Variants in C4orf50 observed in about 807,000 individuals in gnomAD.
C4orf50 encodes the protein uncharacterized protein C4orf50.
C4orf50 carries 80 observed loss-of-function variants against 77.2 expected under a neutral mutation model. The observed-to-expected ratio is 1.04, with a 90% CI of 0.87 to 1.25. The LOEUF is 1.25. C4orf50 is among the 50% of genes most tolerant of loss of function. The probability of loss-of-function intolerance (pLI) is 0.00; values close to 1 mark genes in which losing one functional copy is unlikely to be tolerated. For synonymous variants in C4orf50, 532 were observed against 465.3 expected (o/e 1.14, Z -1.84); for missense variants, 1,257 against 1,152.9 (o/e 1.09, Z -1.31).
intron 32 of C4orf50, among the ~76,000 whole-genome samples, chr4:5,965,407 G>A (rs1181995808): frequency 6.6e-6 from 1 of 152,230 alleles, no homozygotes; most frequent in Non-Finnish European, 1.5e-5. Flanking sequence ...CTACCTGGCT[G>A]CAAGCTCATT....
intron 33 of C4orf50, among the ~76,000 whole-genome samples, chr4:5,964,105 T>A (rs7675245): frequency 0.67 from 101,656 of 151,970 alleles, 34,805 homozygotes; most frequent in African/African-American, 0.74. Context: ...CAAAACTGAA[T>A]ACAGAAGAGA....
chr4:5,941,312 C>T (rs1261275674), intron 7 of C4orf50, among the ~76,000 whole-genome samples: 4 of 152,040 alleles, frequency 2.6e-5, no homozygotes, highest in African/African-American at 7.2e-5. Flanking sequence ...AATTGAGACC[C>T]CAAGAGATGA....
At chr4:5,971,881 G>A (rs1429006358) in intron 31 of C4orf50, among the ~76,000 whole-genome samples, 1 of 152,188 alleles carries the variant, frequency 6.6e-6, no homozygotes, top group African/African-American at 2.4e-5. Flanking sequence ...CTGTGAGAGT[G>A]AGGAGCAGCC....
At chr4:5,973,695 C>T (rs1720067083) in exon 31 of C4orf50, 2 of 1,613,786 alleles carry the variant, frequency 1.2e-6, no homozygotes, top group African/African-American at 1.3e-5. Flanking sequence ...TGGCCGTGTA[C>T]TCAGCCAGTG....
chr4:5,991,732 A>C (rs1721307412), intron 27 of C4orf50, among the ~76,000 whole-genome samples: 1 of 152,094 alleles, frequency 6.6e-6, no homozygotes. Flanking sequence ...GAAGAGAAGG[A>C]CAGAGGGAGC....
exon 28 of C4orf50, chr4:5,989,027 T>C (rs1228091843): frequency 1.3e-6 from 2 of 1,536,066 alleles, no homozygotes; most frequent in Non-Finnish European, 1.7e-6. Context: ...CTCTTCCCAT[T>C]GCAGTCTTCA....
intron 7 of C4orf50, among the ~76,000 whole-genome samples, chr4:5,938,858 C>T (rs1412118519): frequency 6.6e-6 from 1 of 151,616 alleles, no homozygotes; most frequent in Non-Finnish European, 1.5e-5. Context: ...TCCCCTAATC[C>T]TCCCAAGTTT....
intron 23 of C4orf50, among the ~76,000 whole-genome samples, chr4:6,016,016 T>C (rs1722672229): frequency 1.3e-5 from 2 of 152,212 alleles, no homozygotes; most frequent in South Asian, 4.1e-4. Context: ...CACCCTGAGC[T>C]GCCGGGAGAG....
chr4:5,995,477 AC>A (rs1374661936), intron 25 of C4orf50, among the ~76,000 whole-genome samples: 1 of 35,018 alleles, frequency 2.9e-5, no homozygotes, highest in African/African-American at 8.9e-5. Context: ...GACTGGAAAC[AC>A]ACACACACAC....
chr4:5,977,837 T>A (rs1344719087), intron 29 of C4orf50, among the ~76,000 whole-genome samples: 1 of 152,220 alleles, frequency 6.6e-6, no homozygotes, highest in African/African-American at 2.4e-5. Flanking sequence ...AGATAAGTAT[T>A]GGGCATTTGC....
intron 7 of C4orf50, among the ~76,000 whole-genome samples, chr4:5,949,328 C>T (rs955719995): frequency 2.0e-5 from 3 of 152,236 alleles, no homozygotes; most frequent in Admixed American, 1.3e-4. Context: ...ACAAGATGTG[C>T]TTCTTCCAGA....
At chr4:6,003,751 GTGA>G (rs1721965987) in intron 25 of C4orf50, among the ~76,000 whole-genome samples, 1 of 140,220 alleles carries the variant, frequency 7.1e-6, no homozygotes, top group East Asian at 2.4e-4. Context: ...AGTGGTGATG[GTGA>G]TGATGTGATA....
intron 23 of C4orf50, among the ~76,000 whole-genome samples, chr4:6,014,134 C>G (rs1722596974): frequency 6.6e-6 from 1 of 151,912 alleles, no homozygotes; most frequent in African/African-American, 2.4e-5. Flanking sequence ...TCCCGAGTAG[C>G]TGGGATTACA....
downstream of C4orf50, among the ~76,000 whole-genome samples, chr4:5,955,489 T>C (rs1462586789): frequency 7.9e-5 from 12 of 152,148 alleles, no homozygotes. This position sits in a 1 kb window ranked among gnomAD's most constrained non-coding sequence, Gnocchi z 5.1. Flanking sequence ...GATAAGATGA[T>C]GTCACAGGGC....
Position 6,015,421 on chromosome 4 carries a change from C to T in C4orf50, c.287+2724G>A, listed in dbSNP as rs968182804. On this transcript the variant is annotated intron_variant, in intron 23 of 33. Transcript: ENST00000531445. This position sits in a 1 kb window ranked among gnomAD's most constrained non-coding sequence, Gnocchi z 4.4. ...GGAGAAACCAATCCTGCCGACCCCC[C>T]GAGCTTGGGCTTTTGGGATCCAGAA... is the stretch of plus-strand genomic sequence containing the variant. 3.9e-5 allele frequency among the ~76,000 whole-genome samples: 6 copies of T among 152,200 alleles called. No homozygotes were observed. Among genetic ancestry groups the T allele is most frequent in the East Asian group, 1.9e-4 (1 of 5,170 alleles).
At chr4:6,004,212 G>GATGGTGATAA (rs1722073947) in intron 25 of C4orf50, among the ~76,000 whole-genome samples, 10 of 44,742 alleles carry the variant, frequency 2.2e-4, no homozygotes, top group South Asian at 9.1e-4. Flanking sequence ...GGTGATGATG[G>GATGGTGATAA]TGATGGTGAT....
chr4:5,898,665 A>G (rs1716224752), intron 7 of C4orf50: 1 of 152,196 alleles, frequency 6.6e-6, no homozygotes, highest in African/African-American at 2.4e-5. Flanking sequence ...TGTCCTATCT[A>G]CAAATATTGT....
chr4:5,950,890 G>T (rs1398738390), intron 7 of C4orf50, among the ~76,000 whole-genome samples: 1 of 152,182 alleles, frequency 6.6e-6, no homozygotes, highest in African/African-American at 2.4e-5. Flanking sequence ...TGAATGAATG[G>T]ATGGGTGGAT....
intron 7 of C4orf50, among the ~76,000 whole-genome samples, chr4:5,927,202 C>T (rs1226391806): frequency 1.3e-5 from 2 of 152,114 alleles, no homozygotes; most frequent in Non-Finnish European, 2.9e-5. Context: ...GGAAGAGACA[C>T]TGTGGAATCA....
Sources: gnomAD v4.1 joint callset for allele counts (sites outside exome capture counted in the v4.1 genomes callset) on GRCh38, gnomAD v4.1.1 for gene constraint, Gnocchi (gnomAD v3.1) non-coding constraint, MANE v1.5 for transcripts, NCBI Gene and HGNC (gene_info 2026-07-23, HGNC 2026-07-21) for gene names.